The following TRIM72 variants were observed in gnomAD, a reference collection of about 807,000 sequenced individuals.
The protein encoded by TRIM72 is tripartite motif-containing protein 72.
A neutral mutation model predicts 31.6 loss-of-function variants in TRIM72; 33 were observed. That is an observed-to-expected ratio of 1.04 (90% confidence interval 0.79 to 1.40). The LOEUF (loss-of-function observed/expected upper bound fraction) is 1.40. Among genes scored for constraint, TRIM72 ranks in the 40% most tolerant of loss-of-function variants. The pLI, the probability that TRIM72 is intolerant of heterozygous loss-of-function variation, is 0.00. For missense variants in TRIM72, 666 were observed against 682.7 expected, an observed-to-expected ratio of 0.98 and a Z score of 0.27; for synonymous variants, 301 against 314.4, an observed-to-expected ratio of 0.96 and a Z score of 0.45.
In TRIM72 at chr16:31,224,767, G is replaced by A. The variant is rs1428693539; in HGVS notation, c.*12G>A. ...GCGCCGAGGCCTGAGCCGCCGGACG[G>A]GTAGTGGAGGGGCGCGGGGGCCTGG... is the stretch of plus-strand genomic sequence containing the variant. On this transcript the variant is annotated 3_prime_UTR_variant, in exon 7 of 7. Coordinates refer to ENST00000322122, the MANE Select transcript of TRIM72 (RefSeq NM_001008274.4). 2 of 1,457,786 alleles carry A rather than the reference G, an allele frequency of 1.4e-6. No individual in the cohort carries two copies. Among genetic ancestry groups the A allele is most frequent in the South Asian group, 1.4e-5 (1 of 73,976 alleles). 90.3% of individuals were successfully genotyped at this position (1,457,786 alleles called of 1,614,324 possible).
At chr16:31,218,973 T>C in intron 2 of TRIM72, 122 bp from the exon 3 acceptor site, 1 of 892,470 alleles carries the variant, frequency 1.1e-6, no homozygotes, top group Non-Finnish European at 1.7e-6. Context: ...GGTTTGGGGA[T>C]GGGAAGATGG....
rs769474036 is a variant in TRIM72 at position 31,224,765 on chromosome 16, C to G, written c.*10C>G. 2 of 1,462,742 alleles carry G rather than the reference C, an allele frequency of 1.4e-6. No individual in the cohort carries two copies. The highest frequency in any genetic ancestry group is 2.5e-5 in the Admixed American group (1 of 39,930). 90.6% of individuals were successfully genotyped at this position (1,462,742 alleles called of 1,614,324 possible). A position where few individuals can be genotyped will look rare whatever the true frequency, so the allele number is the denominator to read the frequency against. On this transcript the variant is annotated 3_prime_UTR_variant, in exon 7 of 7. Transcript: ENST00000322122. ...AGGCGCCGAGGCCTGAGCCGCCGGA[C>G]GGGTAGTGGAGGGGCGCGGGGGCCT...
In TRIM72 at chr16:31,219,141, G is replaced by A. The variant is rs201191466; in HGVS notation, c.437G>A (p.Arg146His). The change falls in exon 3 of 7, where the codon CGC (arginine) becomes CAC (histidine). Residue 146 changes from arginine to histidine, a missense_variant. Coordinates refer to ENST00000322122, the MANE Select transcript of TRIM72 (RefSeq NM_001008274.4). The surrounding 1 kb of genome is among the most constrained non-coding windows in gnomAD (Gnocchi z 4.2). ...CTGCAGCTGCAGGAGGCATGCATGC[G>A]CAAGGAGAAGAGTGTGGCTGTGCTG... ...QKLQLQEACM[R>H]KEKSVAVLEH... The A allele has an allele frequency of 4.1e-5, 65 of 1,603,994 alleles. No individual in the cohort carries two copies. Among genetic ancestry groups the A allele is most frequent in the Middle Eastern group, 1.7e-4 (1 of 6,056 alleles).
At position 31,224,555 on chromosome 16, in the gene TRIM72, C is replaced by T. The variant is rs753481207; in HGVS notation, c.1234C>T (p.Arg412Cys). The T allele has an allele frequency of 6.5e-7, 1 of 1,538,084 alleles. No homozygotes were observed. ...ALRSPERRPT[R>C]IGLYLSFGDG... Reference sequence around the variant, plus strand: ...GCGCAGCCCCGAGAGGCGGCCCACGCGCATTGGCCTTTACCTGAGCTTCGG... The same window carrying T: ...GCGCAGCCCCGAGAGGCGGCCCACGTGCATTGGCCTTTACCTGAGCTTCGG... The change falls in exon 7 of 7, where the codon CGC (arginine) becomes TGC (cysteine). Residue 412 changes from arginine (R) to cysteine (C), a missense_variant. Physicochemically the swap from Arg to Cys is radical, Grantham distance 180. Coordinates refer to ENST00000322122, the MANE Select transcript of TRIM72 (RefSeq NM_001008274.4).
At position 31,230,780 on chromosome 16, in the gene TRIM72, T is replaced by C. The variant is rs1476543592; in HGVS notation, c.*6025T>C. 3.3e-5 allele frequency: 5 copies of C among 151,922 alleles called. No homozygotes were observed. The highest frequency in any genetic ancestry group is 7.4e-5 in the Non-Finnish European group (5 of 68,000). 9.4% of individuals were successfully genotyped at this position (151,922 alleles called of 1,614,324 possible). A position where few individuals can be genotyped will look rare whatever the true frequency, so the allele number is the denominator to read the frequency against. On this transcript the variant is annotated 3_prime_UTR_variant, in exon 7 of 7. Coordinates refer to ENST00000322122, the MANE Select transcript of TRIM72 (RefSeq NM_001008274.4). ...CTCTTTGTTCAGGGCTCAGTCTTTT[T>C]GGATGTTAATCTGACCGGGCCAGTG...
In TRIM72 at chr16:31,216,440, C is replaced by A. The variant is rs76684560; in HGVS notation, c.390+1312C>A. The A allele has an allele frequency of 1.3e-4, 47 of 352,140 alleles. No individual in the cohort carries two copies. Among genetic ancestry groups the A allele is most frequent in the African/African-American group, 8.9e-4 (42 of 47,232 alleles). 21.8% of individuals were successfully genotyped at this position (352,140 alleles called of 1,614,324 possible). A position where few individuals can be genotyped will look rare whatever the true frequency, so the allele number is the denominator to read the frequency against. On this transcript the variant is annotated intron_variant, in intron 2 of 6. Transcript: ENST00000322122. This position sits in a 1 kb window ranked among gnomAD's most constrained non-coding sequence, Gnocchi z 6.7. ...CTGCCGCTAAAAAAAAAACAAAAAA[C>A]AAACAAACAAAAAAAACCCAACCTC...
At chr16:31,222,768 C>T in intron 5 of TRIM72, 59 bp from the exon 6 acceptor site, 2 of 614,100 alleles carry the variant, frequency 3.3e-6, no homozygotes, top group Non-Finnish European at 5.4e-6. Context: ...ATCCTGGAAT[C>T]CCCCCAGCCC....
rs2079525328 is a variant in TRIM72 at position 31,219,658 on chromosome 16, C to CT, written c.717+140dup. On this transcript the variant is annotated intron_variant, in intron 4 of 6. Coordinates refer to ENST00000322122, the MANE Select transcript of TRIM72 (RefSeq NM_001008274.4). The surrounding 1 kb of genome is among the most constrained non-coding windows in gnomAD (Gnocchi z 4.2). ...CCGGGAGGGGCAGGCCTCAGGACTG[C>CT]TATATGGTTGTTTAGGTTGAGCACT... is the stretch of plus-strand genomic sequence containing the variant. 2 of 753,936 alleles carry CT rather than the reference C, an allele frequency of 2.7e-6. No individual in the cohort carries two copies. The highest frequency in any genetic ancestry group is 3.6e-5 in the African/African-American group (2 of 56,008). The allele number at this position is 753,936 out of a possible 1,614,324, so 46.7% of individuals were successfully genotyped here.
Position 31,216,328 on chromosome 16 carries a change from C to T in TRIM72, c.390+1200C>T, listed in dbSNP as rs544933466. 1.2e-5 allele frequency: 2 copies of T among 167,690 alleles called. No individual in the cohort carries two copies. The highest frequency in any genetic ancestry group is 4.8e-5 in the African/African-American group (2 of 41,736). The allele number at this position is 167,690 out of a possible 1,614,324, so 10.4% of individuals were successfully genotyped here. On this transcript the variant is annotated intron_variant, in intron 2 of 6. Coordinates refer to ENST00000322122, the MANE Select transcript of TRIM72 (RefSeq NM_001008274.4). The surrounding 1 kb of genome is among the most constrained non-coding windows in gnomAD (Gnocchi z 6.7). ...CCCCTCCCATCCCAGCACACCTGTG[C>T]TTAAGACCCCAACCTCAGGGCAACC... is the stretch of plus-strand genomic sequence containing the variant.
chr16:31,218,128 GC>G (rs2079518416), intron 2 of TRIM72, among the ~76,000 whole-genome samples: 1 of 152,122 alleles, frequency 6.6e-6, no homozygotes, highest in Non-Finnish European at 1.5e-5. Context: ...CTCTGTGCCT[GC>G]CTGTCTGGTG....
chr16:31,217,025 C>T (rs1389636120), intron 2 of TRIM72: 1 of 1,611,864 alleles, frequency 6.2e-7, no homozygotes, highest in East Asian at 2.2e-5. Flanking sequence ...CGCTTCGTTC[C>T]CATGGCTCAG....
rs1354365508 is a variant in TRIM72 at position 31,216,451 on chromosome 16, A to AC, written c.390+1323_390+1324insC. ...AAAAAAACAAAAAACAAACAAACAAAAAAAACCCAACCTCGCCCAACCTTG... is the reference window on the plus strand; with the variant it reads ...AAAAAAACAAAAAACAAACAAACAAACAAAAACCCAACCTCGCCCAACCTTG... On this transcript the variant is annotated intron_variant, in intron 2 of 6. Transcript: ENST00000322122. This position sits in a 1 kb window ranked among gnomAD's most constrained non-coding sequence, Gnocchi z 6.7. The AC allele has an allele frequency of 2.6e-6, 1 of 385,484 alleles. No homozygotes were observed. The highest frequency in any genetic ancestry group is 2.1e-5 in the African/African-American group (1 of 48,234). The allele number at this position is 385,484 out of a possible 1,614,324, so 23.9% of individuals were successfully genotyped here.
At chr16:31,224,013 C>G (rs1433946239) in intron 6 of TRIM72, among the ~76,000 whole-genome samples, 168 bp from the exon 7 acceptor site, 4 of 152,246 alleles carry the variant, frequency 2.6e-5, no homozygotes, top group African/African-American at 7.2e-5. Context: ...ATGGCCTCAT[C>G]TCACAGCTGG....
chr16:31,223,310 A>G (rs1359161898), intron 6 of TRIM72, among the ~76,000 whole-genome samples: 1 of 151,982 alleles, frequency 6.6e-6, no homozygotes, highest in Non-Finnish European at 1.5e-5. Flanking sequence ...AGCTCCTGGA[A>G]CCCTGGGGAC....
chr16:31,221,070 T>C, intron 5 of TRIM72, 152 bp downstream of exon 5: 1 of 1,038,464 alleles, frequency 9.6e-7, no homozygotes, highest in Admixed American at 1.9e-5. Flanking sequence ...TAGACAGAAA[T>C]GATCTGGAAG....
chr16:31,223,468 G>C (rs2079542450), intron 6 of TRIM72, among the ~76,000 whole-genome samples: 1 of 152,178 alleles, frequency 6.6e-6, no homozygotes, highest in Non-Finnish European at 1.5e-5. Context: ...AGCGCAGGTG[G>C]GAATGCAGAC....
chr16:31,221,038 C>T, intron 5 of TRIM72, 120 bp downstream of exon 5: 1 of 1,273,088 alleles, frequency 7.9e-7, no homozygotes, highest in Admixed American at 1.7e-5. Context: ...TGCTGCCCCA[C>T]CCCTGCCTGA....
chr16:31,215,350 G>A lies in TRIM72; in HGVS notation c.390+222G>A, dbSNP rs943202463. Reference sequence around the variant, plus strand: ...GCGCAGGGATGGAGCCTGGCGATAAGGGCGCTGAGCAAACGTAGGTTTCCC... The same window carrying A: ...GCGCAGGGATGGAGCCTGGCGATAAAGGCGCTGAGCAAACGTAGGTTTCCC... On this transcript the variant is annotated intron_variant, in intron 2 of 6. Transcript: ENST00000322122. The surrounding 1 kb of genome is among the most constrained non-coding windows in gnomAD (Gnocchi z 6.3). Among the ~76,000 whole-genome samples, 2 of 152,200 alleles carry A rather than the reference G, an allele frequency of 1.3e-5. No individual in the cohort carries two copies. The highest frequency in any genetic ancestry group is 4.8e-5 in the African/African-American group (2 of 41,460).
intron 5 of TRIM72, among the ~76,000 whole-genome samples, chr16:31,221,158 C>CA (rs1268667434): frequency 6.6e-6 from 1 of 152,112 alleles, no homozygotes; most frequent in Non-Finnish European, 1.5e-5. Flanking sequence ...ACTGTGTGCT[C>CA]AGTGTGGCCG....
Sources: gnomAD v4.1 joint callset for allele counts (sites outside exome capture counted in the v4.1 genomes callset) on GRCh38, gnomAD v4.1.1 for gene constraint, Gnocchi (gnomAD v3.1) non-coding constraint, MANE v1.5 for transcripts, NCBI Gene and HGNC (gene_info 2026-07-23, HGNC 2026-07-21) for gene names.